Variants in GPR158 observed in about 807,000 individuals in gnomAD.
The protein encoded by GPR158 is metabotropic glycine receptor.
In GPR158, 30 loss-of-function variants were observed where a neutral mutation model predicts 78.2. The ratio of observed to expected loss-of-function variants is 0.38; its 90% CI spans 0.29 to 0.52. The LOEUF (loss-of-function observed/expected upper bound fraction) is 0.52, where lower values mean the gene tolerates loss of function less well. GPR158 is among the 20% of genes least tolerant of loss of function. The pLI, the probability that GPR158 is intolerant of heterozygous loss-of-function variation, is 0.83. For synonymous variants in GPR158, 581 were observed against 591.1 expected (o/e 0.98, Z 0.25); for missense variants, 1,463 against 1,523.5 (o/e 0.96, Z 0.66).
At chr10:25,262,444 G>A (rs942766517) in intron 2 of GPR158, among the ~76,000 whole-genome samples, 12 of 152,072 alleles carry the variant, frequency 7.9e-5, no homozygotes, top group Admixed American at 4.6e-4. Flanking sequence ...ATGGATAAAG[G>A]AAACCCAGGA....
chr10:25,534,862 C>T (rs1029346510), intron 5 of GPR158, among the ~76,000 whole-genome samples: 3 of 145,702 alleles, frequency 2.1e-5, no homozygotes, highest in Non-Finnish European at 4.5e-5. Flanking sequence ...CTGTTTAAAA[C>T]ATTACAATAA....
intron 2 of GPR158, among the ~76,000 whole-genome samples, chr10:25,275,197 C>G (rs1469809929): frequency 6.6e-6 from 1 of 152,090 alleles, no homozygotes; most frequent in Non-Finnish European, 1.5e-5. Context: ...ATAATTTGAA[C>G]TCTGTTTAGT....
chr10:25,297,775 A>G (rs1404689902), intron 2 of GPR158, among the ~76,000 whole-genome samples: 1 of 152,198 alleles, frequency 6.6e-6, no homozygotes, highest in Non-Finnish European at 1.5e-5. Context: ...GAATTTCTAC[A>G]TGTGTCAGTA....
At chr10:25,390,051 G>T (rs1354911839) in intron 2 of GPR158, among the ~76,000 whole-genome samples, 1 of 152,156 alleles carries the variant, frequency 6.6e-6, no homozygotes, top group Non-Finnish European at 1.5e-5. Context: ...TCTCTTGTCT[G>T]CCACCATGTA....
chr10:25,360,328 G>A (rs186616398), intron 2 of GPR158, among the ~76,000 whole-genome samples: 1,739 of 152,242 alleles, frequency 0.011, 7 homozygotes, highest in Non-Finnish European at 0.016. Context: ...CTTTGCCCAT[G>A]CCTATGTCCT....
rs78996705 is a variant in GPR158, at chr10:25,433,504, G to T, written c.1335+21031G>T. Among the ~76,000 whole-genome samples, 135 of 150,058 alleles carry T rather than the reference G, an allele frequency of 9.0e-4. 2 individuals carry two copies. In the East Asian group the frequency reaches 0.024, roughly 27 times the overall value. On this transcript the variant is annotated intron_variant, in intron 4 of 10. Transcript: ENST00000376351. ...GTATCATTTAATGCCTGAACTCAAG[G>T]AGCAAAAAGGAAATGGTTTAGTTAG... is the stretch of plus-strand genomic sequence containing the variant.
chr10:25,393,887 T>C (rs1295234895), intron 2 of GPR158: 1 of 152,212 alleles, frequency 6.6e-6, no homozygotes, highest in Non-Finnish European at 1.5e-5. Flanking sequence ...TGCTTAGTGA[T>C]TTAGTCTTAT....
intron 1 of GPR158, among the ~76,000 whole-genome samples, chr10:25,217,475 A>G (rs1416992665): frequency 1.3e-5 from 2 of 152,190 alleles, no homozygotes; most frequent in African/African-American, 4.8e-5. Context: ...TTTTTCTTAA[A>G]GAAGGTCCCT....
At chr10:25,184,016 G>A (rs1009053562) in intron 1 of GPR158, among the ~76,000 whole-genome samples, 8 of 152,072 alleles carry the variant, frequency 5.3e-5, no homozygotes, top group Non-Finnish European at 1.5e-5. Context: ...AATATAACAA[G>A]GCATCTTACA....
At chr10:25,241,169 CTT>C (rs1564399329) in intron 2 of GPR158, among the ~76,000 whole-genome samples, 1 of 110,128 alleles carries the variant, frequency 9.1e-6, no homozygotes, top group Non-Finnish European at 1.8e-5. Flanking sequence ...TTCTTTCTTT[CTT>C]TCTTTCTTTC....
intron 2 of GPR158, among the ~76,000 whole-genome samples, chr10:25,283,991 A>G (rs1035920780): frequency 2.6e-5 from 4 of 152,068 alleles, no homozygotes; most frequent in African/African-American, 9.7e-5. Flanking sequence ...TTTGTGTGGT[A>G]TGTATTCTTC....
intron 2 of GPR158, among the ~76,000 whole-genome samples, chr10:25,289,095 T>A (rs536923993): frequency 2.3e-4 from 35 of 152,328 alleles, no homozygotes; most frequent in African/African-American, 6.0e-4. Flanking sequence ...TTAATATCTT[T>A]TAGCCTTTGT....
At chr10:25,435,948 A>T (rs1834991964) in intron 4 of GPR158, among the ~76,000 whole-genome samples, 1 of 152,134 alleles carries the variant, frequency 6.6e-6, no homozygotes, top group Non-Finnish European at 1.5e-5. Flanking sequence ...GGGGAATGGG[A>T]AAAAATAGAA....
At chr10:25,416,268 C>T (rs1834659167) in intron 4 of GPR158, among the ~76,000 whole-genome samples, 1 of 152,052 alleles carries the variant, frequency 6.6e-6, no homozygotes, top group African/African-American at 2.4e-5. Context: ...ATAGCTGTGC[C>T]TCTTTGAAGT....
chr10:25,347,201 G>A (rs1244738499), intron 2 of GPR158, among the ~76,000 whole-genome samples: 2 of 151,904 alleles, frequency 1.3e-5, no homozygotes, highest in Non-Finnish European at 2.9e-5. Flanking sequence ...TGGTTTCCTT[G>A]TCTGTTCTAG....
intron 2 of GPR158, among the ~76,000 whole-genome samples, chr10:25,245,544 G>A (rs1233278404): frequency 6.6e-6 from 1 of 152,110 alleles, no homozygotes; most frequent in Non-Finnish European, 1.5e-5. Context: ...TGGGGGGTGG[G>A]TGTAAGACTG....
At chr10:25,327,515 C>T (rs9919475) in intron 2 of GPR158, among the ~76,000 whole-genome samples, 2 of 152,086 alleles carry the variant, frequency 1.3e-5, no homozygotes, top group Admixed American at 6.5e-5. Flanking sequence ...TGTGTTCTCT[C>T]CCATTTTGGA....
chr10:25,485,554 T>C (rs1284953840), intron 5 of GPR158, among the ~76,000 whole-genome samples: 1 of 152,150 alleles, frequency 6.6e-6, no homozygotes, highest in Non-Finnish European at 1.5e-5. Flanking sequence ...TGTCTCAATT[T>C]ATGTGTTTAG....
chr10:25,597,638 T>C, intron 10 of GPR158, 134 bp from the exon 11 acceptor site: 7 of 548,366 alleles, frequency 1.3e-5, no homozygotes, highest in Non-Finnish European at 2.1e-5. Flanking sequence ...GACAAGTACA[T>C]ATGTCAGAGA....
Sources: allele counts gnomAD v4.1 joint callset (sites outside exome capture counted in the v4.1 genomes callset), GRCh38; gene constraint gnomAD v4.1.1; transcripts MANE v1.5; gene names NCBI Gene and HGNC (gene_info 2026-07-23, HGNC 2026-07-21).